Variants in NEGR1 observed in about 807,000 individuals in gnomAD.
The protein encoded by NEGR1 is IgLON family member 4.
In NEGR1, 10 loss-of-function variants were observed where a neutral mutation model predicts 40.9. The observed-to-expected ratio is 0.24, with a 90% CI of 0.15 to 0.42. The LOEUF is 0.42. Among genes scored for constraint, NEGR1 ranks in the 10% least tolerant of loss-of-function variants. The pLI is 1.00. For synonymous variants in NEGR1, 185 were observed against 166.8 expected, an observed-to-expected ratio of 1.11 and a Z score of -0.84; for missense variants, 352 against 438.9, an observed-to-expected ratio of 0.80 and a Z score of 1.77.
At chr1:72,173,039 T>C (rs1049881851) in intron 1 of NEGR1, among the ~76,000 whole-genome samples, 32 of 151,800 alleles carry the variant, frequency 2.1e-4, no homozygotes, top group Non-Finnish European at 3.5e-4. Flanking sequence ...CAGGGTCTCA[T>C]TTTGTCACCC....
chr1:71,905,933 T>C (rs1661262689), intron 2 of NEGR1, among the ~76,000 whole-genome samples: 1 of 150,666 alleles, frequency 6.6e-6, no homozygotes, highest in South Asian at 2.1e-4. Context: ...CAAAGTGAAG[T>C]GTGATGTAAA....
At chr1:71,620,460 A>T (rs1294082083) in intron 4 of NEGR1, among the ~76,000 whole-genome samples, 4 of 151,976 alleles carry the variant, frequency 2.6e-5, no homozygotes, top group Admixed American at 2.6e-4. Context: ...GTTTCATAGG[A>T]GGAGAGTTAT....
chr1:72,185,703 C>G (rs1023318931), intron 1 of NEGR1, among the ~76,000 whole-genome samples: 1 of 151,758 alleles, frequency 6.6e-6, no homozygotes, highest in African/African-American at 2.4e-5. Context: ...TACATCAGAA[C>G]CTGAGTTGAA....
chr1:71,965,883 AG>A (rs1479290602), intron 1 of NEGR1, among the ~76,000 whole-genome samples: 2 of 152,166 alleles, frequency 1.3e-5, no homozygotes, highest in Non-Finnish European at 2.9e-5. Context: ...AAAATCATTT[AG>A]TAAGTTTAGA....
intron 1 of NEGR1, among the ~76,000 whole-genome samples, chr1:71,979,237 G>A (rs567480081): frequency 5.3e-5 from 8 of 151,988 alleles, no homozygotes; most frequent in African/African-American, 1.7e-4. Context: ...GGAGAGGAAC[G>A]GAAAAAATAA....
At chr1:72,156,889 G>C (rs1455881413) in intron 1 of NEGR1, among the ~76,000 whole-genome samples, 1 of 152,014 alleles carries the variant, frequency 6.6e-6, no homozygotes, top group African/African-American at 2.4e-5. Context: ...CTACCTTCCA[G>C]ATTACTCATT....
At chr1:72,168,843 T>C (rs773425768) in intron 1 of NEGR1, among the ~76,000 whole-genome samples, 24 of 152,130 alleles carry the variant, frequency 1.6e-4, no homozygotes, top group Non-Finnish European at 2.9e-4. Context: ...GAGGCTGCAG[T>C]GAGCTGAGAT....
chr1:71,413,170 T>A (rs1341828502), intron 6 of NEGR1, among the ~76,000 whole-genome samples: 1 of 152,150 alleles, frequency 6.6e-6, no homozygotes, highest in African/African-American at 2.4e-5. Context: ...TCAAAAGTTA[T>A]TACAAAGATC....
At chr1:72,195,393 C>G (rs1201026483) in intron 1 of NEGR1, among the ~76,000 whole-genome samples, 1 of 151,826 alleles carries the variant, frequency 6.6e-6, no homozygotes, top group Non-Finnish European at 1.5e-5. Context: ...ATTTTTGTTG[C>G]CAAGCATAAA....
intron 1 of NEGR1, among the ~76,000 whole-genome samples, chr1:71,954,151 T>C (rs572705721): frequency 6.6e-6 from 1 of 152,024 alleles, no homozygotes; most frequent in East Asian, 1.9e-4. Flanking sequence ...ATAAGAGCTG[T>C]CGACATAACA....
Position 71,698,324 on chromosome 1 carries a change from G to A in NEGR1, c.536-185C>T, listed in dbSNP as rs147799646. On this transcript the variant is annotated intron_variant, in intron 3 of 6. Coordinates refer to ENST00000357731, the MANE Select transcript of NEGR1 (RefSeq NM_173808.3). ...CTCAGAGAAAAAGCAGAAGCAGAACGAGGTATATTATAACAACTATTTCCC... is the reference window on the plus strand; with the variant it reads ...CTCAGAGAAAAAGCAGAAGCAGAACAAGGTATATTATAACAACTATTTCCC... 7.0e-3 allele frequency among the ~76,000 whole-genome samples: 1,069 copies of A among 151,898 alleles called. 8 individuals carry two copies. Among genetic ancestry groups the A allele is most frequent in the African/African-American group, 0.024 (1,012 of 41,512 alleles).
chr1:71,801,915 T>C (rs551870736), intron 2 of NEGR1, among the ~76,000 whole-genome samples: 25 of 152,268 alleles, frequency 1.6e-4, no homozygotes, highest in African/African-American at 6.0e-4. Context: ...AGAACATATA[T>C]ATCGTTACCA....
intron 2 of NEGR1, among the ~76,000 whole-genome samples, chr1:71,781,160 G>T (rs897709559): frequency 6.6e-6 from 1 of 152,076 alleles, no homozygotes; most frequent in Non-Finnish European, 1.5e-5. Context: ...TCATCATGCT[G>T]CCTGCAACAT....
intron 2 of NEGR1, among the ~76,000 whole-genome samples, chr1:71,879,440 G>C (rs530866480): frequency 6.6e-6 from 1 of 152,276 alleles, no homozygotes; most frequent in East Asian, 1.9e-4. Context: ...TGCCAGCATA[G>C]TGGCTCAAGC....
At chr1:71,619,121 A>C (rs1283268473) in intron 4 of NEGR1, among the ~76,000 whole-genome samples, 1 of 152,170 alleles carries the variant, frequency 6.6e-6, no homozygotes, top group Non-Finnish European at 1.5e-5. Context: ...TGTACCTGAC[A>C]AAAATTATGA....
intron 4 of NEGR1, among the ~76,000 whole-genome samples, chr1:71,620,509 C>T (rs1288249391): frequency 6.6e-6 from 1 of 151,944 alleles, no homozygotes; most frequent in Admixed American, 6.6e-5. Context: ...CAGGTTGAAA[C>T]TCAGGGTGGG....
At chr1:71,739,752 C>A (rs377676653) in intron 3 of NEGR1, among the ~76,000 whole-genome samples, 2 of 152,142 alleles carry the variant, frequency 1.3e-5, no homozygotes, top group African/African-American at 2.4e-5. Flanking sequence ...AAAATCACTG[C>A]CTTCATGAAG....
chr1:71,926,847 G>A (rs1645778620), intron 2 of NEGR1, among the ~76,000 whole-genome samples: 1 of 152,054 alleles, frequency 6.6e-6, no homozygotes, highest in South Asian at 2.1e-4. Flanking sequence ...AACTTCATGT[G>A]ATAATTTTGC....
At chr1:71,706,065 G>C (rs955884382) in intron 3 of NEGR1, among the ~76,000 whole-genome samples, 1 of 152,200 alleles carries the variant, frequency 6.6e-6, no homozygotes, top group Non-Finnish European at 1.5e-5. Context: ...GCTGAAAGAA[G>C]TACTGAAGAG....
Sources: allele counts gnomAD v4.1 joint callset (sites outside exome capture counted in the v4.1 genomes callset), GRCh38; gene constraint gnomAD v4.1.1; transcripts MANE v1.5; gene names NCBI Gene and HGNC (gene_info 2026-07-23, HGNC 2026-07-21).